The following MTREX variants were observed in gnomAD, a reference collection of about 807,000 sequenced individuals.
The protein encoded by MTREX is Mtr4 exosome RNA helicase, also known as exosome RNA helicase MTR4.
MTREX carries 76 observed loss-of-function variants against 135.4 expected under a neutral mutation model. That is an observed-to-expected ratio of 0.56 (90% CI 0.47 to 0.68). The LOEUF (loss-of-function observed/expected upper bound fraction) is 0.68, where lower values mean the gene tolerates loss of function less well. MTREX is among the 30% of genes least tolerant of loss of function. The pLI, the probability that MTREX is intolerant of heterozygous loss-of-function variation, is 0.00. For synonymous variants in MTREX, 404 were observed against 401.6 expected, an observed-to-expected ratio of 1.01 and a Z score of -0.07; for missense variants, 920 against 1,262.1, an observed-to-expected ratio of 0.73 and a Z score of 4.11.
chr5:55,379,317 C>T, intron 18 of MTREX, 122 bp downstream of exon 18: 1 of 582,254 alleles, frequency 1.7e-6, no homozygotes, highest in South Asian at 2.0e-5. Context: ...TAAATTCTGC[C>T]ATGAGGAATT....
chr5:55,382,876 CAG>C (rs775806034), intron 18 of MTREX, among the ~76,000 whole-genome samples: 1 of 152,188 alleles, frequency 6.6e-6, no homozygotes, highest in Non-Finnish European at 1.5e-5. Context: ...TCAGGTAATC[CAG>C]CTGCCTCAGC....
chr5:55,417,578 A>T (rs1750985867), intron 25 of MTREX, among the ~76,000 whole-genome samples: 1 of 152,196 alleles, frequency 6.6e-6, no homozygotes, highest in Admixed American at 6.5e-5. Flanking sequence ...GTTTAGCAAC[A>T]TCTCTAATTA....
At chr5:55,310,977 A>G (rs1239497361) in intron 1 of MTREX, among the ~76,000 whole-genome samples, 1 of 151,710 alleles carries the variant, frequency 6.6e-6, no homozygotes, top group Non-Finnish European at 1.5e-5. Context: ...CGGGTGTCTC[A>G]TAGTATGTTG....
chr5:55,370,751 C>T (rs1750182882), intron 16 of MTREX, among the ~76,000 whole-genome samples: 1 of 152,168 alleles, frequency 6.6e-6, no homozygotes. Flanking sequence ...AGAATACATC[C>T]TGAATGGAGT....
intron 18 of MTREX, among the ~76,000 whole-genome samples, chr5:55,379,806 C>G (rs1288293050): frequency 1.3e-5 from 2 of 152,186 alleles, no homozygotes; most frequent in East Asian, 3.8e-4. Flanking sequence ...GATGGAAAAG[C>G]TAGCATGCCT....
At chr5:55,342,554 G>A (rs527910413) in intron 7 of MTREX, among the ~76,000 whole-genome samples, 6 of 152,178 alleles carry the variant, frequency 3.9e-5, no homozygotes, top group Non-Finnish European at 8.8e-5. Flanking sequence ...TAATGAAAAA[G>A]TAAGTATGCT....
intron 16 of MTREX, among the ~76,000 whole-genome samples, chr5:55,377,627 C>G (rs1269003610): frequency 6.6e-6 from 1 of 152,134 alleles, no homozygotes; most frequent in South Asian, 2.1e-4. Flanking sequence ...ATGCCAATAT[C>G]TTTGAAATTA....
At chr5:55,344,717 G>GA in intron 9 of MTREX, 97 bp downstream of exon 9, 1 of 672,184 alleles carries the variant, frequency 1.5e-6, no homozygotes, top group South Asian at 2.5e-5. Flanking sequence ...GAGAAGAATG[G>GA]AAAAGATACA....
intron 18 of MTREX, among the ~76,000 whole-genome samples, chr5:55,384,682 C>G (rs938989952): frequency 6.6e-6 from 1 of 152,136 alleles, no homozygotes; most frequent in East Asian, 1.9e-4. Context: ...TGTTTAGTGT[C>G]GGGCTGGATT....
At chr5:55,395,101 G>T (rs990257763) in intron 19 of MTREX, among the ~76,000 whole-genome samples, 1 of 150,136 alleles carries the variant, frequency 6.7e-6, no homozygotes, top group Non-Finnish European at 1.5e-5. Context: ...TCCAGAGAGA[G>T]ATATATAAAA....
At chr5:55,386,777 G>T (rs10471945) in intron 18 of MTREX, among the ~76,000 whole-genome samples, 21,341 of 151,988 alleles carry the variant, frequency 0.14, 1,894 homozygotes, top group East Asian at 0.26. Flanking sequence ...TTTTTGTCCA[G>T]ATACTCACAT....
intron 12 of MTREX, among the ~76,000 whole-genome samples, chr5:55,350,445 C>A (rs185449255): frequency 1.3e-5 from 2 of 152,102 alleles, no homozygotes; most frequent in Non-Finnish European, 2.9e-5. Flanking sequence ...TTTGTTATAG[C>A]GCACTTCTAG....
chr5:55,337,213 C>T (rs1376514444), intron 5 of MTREX, among the ~76,000 whole-genome samples: 1 of 152,106 alleles, frequency 6.6e-6, no homozygotes, highest in East Asian at 1.9e-4. Context: ...CTTGACTTCC[C>T]AGGCTCAACT....
chr5:55,423,139 G>A, intron 26 of MTREX, 157 bp downstream of exon 26: 3 of 608,774 alleles, frequency 4.9e-6, no homozygotes, highest in Non-Finnish European at 8.7e-6. Flanking sequence ...TTAGTGTGTT[G>A]GGGGAAAAGT....
chr5:55,315,476 G>A (rs1230877838), intron 1 of MTREX, among the ~76,000 whole-genome samples: 1 of 152,056 alleles, frequency 6.6e-6, no homozygotes, highest in African/African-American at 2.4e-5. Flanking sequence ...AGATTGCCCA[G>A]ATAGTCTAAA....
intron 1 of MTREX, among the ~76,000 whole-genome samples, chr5:55,318,852 A>C (rs1358904907): frequency 2.6e-5 from 4 of 152,150 alleles, no homozygotes; most frequent in Non-Finnish European, 5.9e-5. Context: ...TCACTGCTTA[A>C]CTTTTATTAC....
chr5:55,416,389 ACAGTCACAAG>A (rs767027935), intron 25 of MTREX, among the ~76,000 whole-genome samples: 4 of 151,992 alleles, frequency 2.6e-5, no homozygotes, highest in Non-Finnish European at 1.5e-5. Context: ...ATGAGTTTCT[ACAGTCACAAG>A]CAGATGACCC....
chr5:55,402,631 G>A (rs1232309139), intron 21 of MTREX, among the ~76,000 whole-genome samples: 2 of 151,702 alleles, frequency 1.3e-5, no homozygotes, highest in Non-Finnish European at 2.9e-5. Flanking sequence ...AAATTGAAGT[G>A]GACTATGATT....
chr5:55,310,937 C>G (rs1216024146), intron 1 of MTREX, among the ~76,000 whole-genome samples: 1 of 151,452 alleles, frequency 6.6e-6, no homozygotes, highest in African/African-American at 2.4e-5. Flanking sequence ...ACCACCATAT[C>G]GGGCTAATTT....
Sources: allele counts gnomAD v4.1 joint callset (sites outside exome capture counted in the v4.1 genomes callset), GRCh38; gene constraint gnomAD v4.1.1; transcripts MANE v1.5; gene names NCBI Gene and HGNC (gene_info 2026-07-23, HGNC 2026-07-21).